PHF3: variants seen among roughly 807,000 people sequenced by gnomAD.
PHF3 encodes PHD finger protein 3.
PHF3 carries 41 observed loss-of-function variants against 178.4 expected under a neutral mutation model. The ratio of observed to expected loss-of-function variants is 0.23; its 90% confidence interval spans 0.18 to 0.30. PHF3 has a LOEUF of 0.30. Ranked by LOEUF, PHF3 falls within the 10% of genes least tolerant of loss-of-function variation. PHF3 has a pLI of 1.00. For missense variants in PHF3, 2,346 were observed against 2,398.1 expected (o/e 0.98, Z 0.45); for synonymous variants, 842 against 800.5 (o/e 1.05, Z -0.88).
intron 9 of PHF3, among the ~76,000 whole-genome samples, chr6:63,701,273 T>C (rs1044726819): frequency 2.6e-5 from 4 of 152,216 alleles, no homozygotes; most frequent in African/African-American, 9.7e-5. Flanking sequence ...CACAGAAATA[T>C]TGTATATTTA....
At chr6:63,694,500 C>CA in intron 5 of PHF3, 81 bp from the exon 6 acceptor site, 1 of 976,226 alleles carries the variant, frequency 1.0e-6, no homozygotes, top group Non-Finnish European at 1.5e-6. Flanking sequence ...TACTAATAAT[C>CA]AAGAGTTATT....
In PHF3 at chr6:63,712,646, C is replaced by T; in HGVS notation, c.5058C>T (p.His1686=). The change falls in exon 16 of 16, where the codon CAC becomes CAT. Residue 1686 remains histidine (H), a synonymous_variant. Coordinates refer to ENST00000262043, the MANE Select transcript of PHF3 (RefSeq NM_001370348.2). The stretch of plus-strand genomic sequence containing the variant: ...AACACATGCTGCCTGGCCTGTCACA[C>T]AACAAGGAGCACTTAACAGAACAAA... ...GEKHMLPGLS[H]NKEHLTEQIN... The T allele has an allele frequency of 1.2e-6, 2 of 1,613,806 alleles. No homozygotes were observed. The highest frequency in any genetic ancestry group is 1.7e-6 in the Non-Finnish European group (2 of 1,179,880).
chr6:63,643,926 C>A (rs1323501366), intron 1 of PHF3, among the ~76,000 whole-genome samples: 1 of 152,140 alleles, frequency 6.6e-6, no homozygotes, highest in East Asian at 1.9e-4. Context: ...AAAATTGCTC[C>A]TTTAGATGAC....
intron 11 of PHF3, among the ~76,000 whole-genome samples, chr6:63,705,077 G>C (rs1039878249): frequency 1.3e-5 from 2 of 152,166 alleles, no homozygotes; most frequent in Non-Finnish European, 2.9e-5. Context: ...CTTCTCTGGT[G>C]AGGTGTCTCT....
chr6:63,689,580 G>T (rs755478368), intron 4 of PHF3, among the ~76,000 whole-genome samples: 3 of 152,156 alleles, frequency 2.0e-5, no homozygotes, highest in African/African-American at 4.8e-5. Flanking sequence ...TCTTAAAACT[G>T]CATTTTTTAA....
intron 4 of PHF3, among the ~76,000 whole-genome samples, chr6:63,686,653 G>A (rs1016639514): frequency 1.3e-5 from 2 of 152,144 alleles, no homozygotes. Context: ...GAAAAGGAAA[G>A]CAAGAGATGA....
rs1405751387 is a variant in PHF3, at chr6:63,718,165, T to C, written c.*4457T>C. On this transcript the variant is annotated 3_prime_UTR_variant, in exon 16 of 16. Transcript: ENST00000262043. ...GAGAAAAGGCAGCAGTTTTCAGTTC[T>C]TAAATATTGTCTGCCTATTCTGCAA... is the stretch of plus-strand genomic sequence containing the variant. Among the ~76,000 whole-genome samples the C allele has an allele frequency of 2.6e-5, 4 of 152,078 alleles. No individual in the cohort carries two copies. The highest frequency in any genetic ancestry group is 9.6e-5 in the African/African-American group (4 of 41,458).
At chr6:63,691,282 C>T (rs1238192064) in intron 4 of PHF3, among the ~76,000 whole-genome samples, 3 of 152,040 alleles carry the variant, frequency 2.0e-5, no homozygotes, top group African/African-American at 7.2e-5. Context: ...GTTGGATAAA[C>T]AATTCTTCCC....
chr6:63,676,113 A>G (rs770108560), intron 2 of PHF3, among the ~76,000 whole-genome samples: 2 of 152,082 alleles, frequency 1.3e-5, no homozygotes, highest in Admixed American at 6.6e-5. Context: ...GTTCTTTCCA[A>G]CTTCTCTGTT....
rs775078536 is a variant in PHF3, at chr6:63,703,528, T to TA, written c.3232-7dup. ...GCTAAAACTAATTTTTACTTTGACT[T>TA]ACGTTAGGAACCAGCCGCCAATAAG... On this transcript the variant is annotated splice_region_variant and splice_polypyrimidine_tract_variant and intron_variant, in intron 10 of 15. Coordinates refer to ENST00000262043, the MANE Select transcript of PHF3 (RefSeq NM_001370348.2). The TA allele has an allele frequency of 4.4e-6, 7 of 1,598,442 alleles. No individual in the cohort carries two copies. In the East Asian group the frequency reaches 1.1e-4, roughly 26 times the overall value.
intron 2 of PHF3, among the ~76,000 whole-genome samples, chr6:63,675,368 C>G (rs1459901197): frequency 1.3e-5 from 2 of 152,172 alleles, no homozygotes; most frequent in Non-Finnish European, 1.5e-5. Flanking sequence ...TTAACTACTT[C>G]TAGATCAGTT....
chr6:63,655,703 T>C (rs1765204172), intron 2 of PHF3, among the ~76,000 whole-genome samples: 1 of 152,226 alleles, frequency 6.6e-6, no homozygotes, highest in Non-Finnish European at 1.5e-5. Context: ...ACTACTACAT[T>C]TATATAAGCA....
intron 1 of PHF3, among the ~76,000 whole-genome samples, chr6:63,637,011 A>G (rs1288286380): frequency 6.6e-6 from 1 of 152,056 alleles, no homozygotes; most frequent in African/African-American, 2.4e-5. Context: ...CCTAGAGACT[A>G]GATTGGGGTG....
intron 2 of PHF3, among the ~76,000 whole-genome samples, chr6:63,663,935 G>A (rs1765573502): frequency 6.6e-6 from 1 of 152,118 alleles, no homozygotes; most frequent in South Asian, 2.1e-4. Flanking sequence ...ATTGTATCTT[G>A]AAAGTTGTAT....
Position 63,706,342 on chromosome 6 carries a change from CTG to C in PHF3, c.3563+120_3563+121del, listed in dbSNP as rs142754322. On this transcript the variant is annotated intron_variant, in intron 12 of 15. Coordinates refer to ENST00000262043, the MANE Select transcript of PHF3 (RefSeq NM_001370348.2). Reference sequence around the variant, plus strand: ...GGGAACCTCTCATTTGAGAAAATAACTGTACTTTCCTGTACTTTGAGATAAAA... The same window carrying C: ...GGGAACCTCTCATTTGAGAAAATAACTACTTTCCTGTACTTTGAGATAAAA... 1,248 of 660,392 alleles carry C rather than the reference CTG, an allele frequency of 1.9e-3. 10 individuals are homozygous for C. In the African/African-American group the frequency reaches 0.02, roughly 11 times the overall value. 40.9% of individuals were successfully genotyped at this position (660,392 alleles called of 1,614,324 possible). A position where few individuals can be genotyped will look rare whatever the true frequency, so the allele number is the denominator to read the frequency against.
intron 1 of PHF3, among the ~76,000 whole-genome samples, chr6:63,639,158 T>C (rs1469989047): frequency 6.6e-6 from 1 of 152,178 alleles, no homozygotes; most frequent in South Asian, 2.1e-4. Flanking sequence ...ATGACTATTA[T>C]ACAGTGAAGA....
rs1269541595 is a variant in PHF3, at chr6:63,713,858, A to G, written c.*150A>G. The G allele has an allele frequency of 7.9e-6, 5 of 633,874 alleles. No homozygotes were observed. Among genetic ancestry groups the G allele is most frequent in the Non-Finnish European group, 1.3e-5 (5 of 372,422 alleles). 39.3% of individuals were successfully genotyped at this position (633,874 alleles called of 1,614,324 possible). On this transcript the variant is annotated 3_prime_UTR_variant, in exon 16 of 16. Transcript: ENST00000262043. ...AACAGTAAATTCTGTGTGTTGGTAC[A>G]GAGTGCTCTGTACCAGTGCTCATCA...
At chr6:63,649,075 A>G (rs1482989511) in intron 2 of PHF3, among the ~76,000 whole-genome samples, 1 of 144,780 alleles carries the variant, frequency 6.9e-6, no homozygotes, top group East Asian at 2.0e-4. Context: ...TGCAAAAAAG[A>G]AATCTTATTT....
At chr6:63,637,461 T>C (rs2149531523) in intron 1 of PHF3, among the ~76,000 whole-genome samples, 1 of 152,318 alleles carries the variant, frequency 6.6e-6, no homozygotes, top group Middle Eastern at 3.4e-3. Flanking sequence ...TATTGTAGCA[T>C]ACTTATGTTT....
Sources: allele counts gnomAD v4.1 joint callset (sites outside exome capture counted in the v4.1 genomes callset), GRCh38; gene constraint gnomAD v4.1.1; transcripts MANE v1.5; gene names NCBI Gene and HGNC (gene_info 2026-07-23, HGNC 2026-07-21).